PTPRT: variants seen among roughly 807,000 people sequenced by gnomAD.
The protein encoded by PTPRT is receptor-type tyrosine-protein phosphatase T.
Under a neutral mutation model 176.8 loss-of-function variants are expected in PTPRT, and 56 were observed. That is an observed-to-expected ratio of 0.32 (90% CI 0.26 to 0.40). The LOEUF is 0.40. PTPRT is among the 10% of genes least tolerant of loss of function. PTPRT has a pLI of 1.00. For synonymous variants in PTPRT, 783 were observed against 739.0 expected (o/e 1.06, Z -0.96); for missense variants, 1,540 against 1,908.2 (o/e 0.81, Z 3.60).
intron 7 of PTPRT, among the ~76,000 whole-genome samples, chr20:42,629,555 A>G (rs978128571): frequency 3.9e-5 from 6 of 152,178 alleles, no homozygotes; most frequent in African/African-American, 1.4e-4. Flanking sequence ...CTTGTTTTCT[A>G]ATGTTGCCTG....
chr20:42,161,104 G>C (rs1323343187), intron 17 of PTPRT, among the ~76,000 whole-genome samples: 2 of 152,148 alleles, frequency 1.3e-5, no homozygotes, highest in Admixed American at 6.5e-5. Flanking sequence ...GAGTGAAAAA[G>C]GATGTCTTAG....
At chr20:42,497,163 TAGC>T (rs1407187401) in intron 7 of PTPRT, among the ~76,000 whole-genome samples, 1 of 152,200 alleles carries the variant, frequency 6.6e-6, no homozygotes, top group Non-Finnish European at 1.5e-5. Context: ...GCTTAGGGCT[TAGC>T]AGCTTTACAG....
chr20:42,214,942 T>C (rs2055733416), intron 15 of PTPRT, among the ~76,000 whole-genome samples: 1 of 152,226 alleles, frequency 6.6e-6, no homozygotes, highest in Non-Finnish European at 1.5e-5. Flanking sequence ...TCCCTATAAC[T>C]CAGTTTTCTC....
chr20:42,221,510 A>G (rs1412840093), intron 15 of PTPRT, among the ~76,000 whole-genome samples: 4 of 150,340 alleles, frequency 2.7e-5, no homozygotes, highest in Non-Finnish European at 4.4e-5. Context: ...GGAGAGAGAC[A>G]GCATGCAAGG....
intron 1 of PTPRT, among the ~76,000 whole-genome samples, chr20:43,039,993 A>G (rs1230787250): frequency 1.3e-5 from 2 of 152,210 alleles, no homozygotes; most frequent in Middle Eastern, 3.4e-3. Flanking sequence ...ATGAGCCGAG[A>G]TAGTACCGTT....
At chr20:42,282,379 AT>A in intron 13 of PTPRT, 109 bp downstream of exon 13, 1 of 1,149,348 alleles carries the variant, frequency 8.7e-7, no homozygotes, top group African/African-American at 1.6e-5. Flanking sequence ...GAAAATAACA[AT>A]TCTTTCTTGT....
intron 7 of PTPRT, among the ~76,000 whole-genome samples, chr20:42,581,089 A>G (rs1220802798): frequency 6.6e-6 from 1 of 152,138 alleles, no homozygotes; most frequent in African/African-American, 2.4e-5. Flanking sequence ...CTGTTCTTTG[A>G]ACATTACAAG....
At chr20:43,018,210 A>G (rs1260443331) in intron 1 of PTPRT, among the ~76,000 whole-genome samples, 1 of 152,198 alleles carries the variant, frequency 6.6e-6, no homozygotes, top group Non-Finnish European at 1.5e-5. Context: ...TCTATTTAAG[A>G]ACAAACTTCT....
At chr20:42,198,698 G>A (rs1991328501) in intron 16 of PTPRT, among the ~76,000 whole-genome samples, 1 of 152,146 alleles carries the variant, frequency 6.6e-6, no homozygotes. Context: ...TGGAACACTG[G>A]CTGTGGTGGA....
chr20:42,474,926 A>G (rs1384408081), intron 7 of PTPRT, among the ~76,000 whole-genome samples: 1 of 152,074 alleles, frequency 6.6e-6, no homozygotes, highest in African/African-American at 2.4e-5. Context: ...CCCCAATACA[A>G]CAGTCACCCA....
chr20:42,640,726 T>C (rs952819478), intron 7 of PTPRT, among the ~76,000 whole-genome samples: 1 of 152,060 alleles, frequency 6.6e-6, no homozygotes, highest in Non-Finnish European at 1.5e-5. Flanking sequence ...AAAAAATGTC[T>C]AGAGATGTTT....
At chr20:42,357,968 A>T (rs2058380560) in intron 9 of PTPRT, among the ~76,000 whole-genome samples, 1 of 152,182 alleles carries the variant, frequency 6.6e-6, no homozygotes, top group Non-Finnish European at 1.5e-5. Flanking sequence ...GTCATAGAAA[A>T]GCAAAGAAAG....
chr20:42,272,291 A>G (rs2056949462), intron 13 of PTPRT, among the ~76,000 whole-genome samples: 1 of 152,218 alleles, frequency 6.6e-6, no homozygotes, highest in African/African-American at 2.4e-5. Context: ...AGCTACAATG[A>G]CAAACTTTAG....
rs1439987440 is a variant in PTPRT at position 42,618,459 on chromosome 20, G to A, written c.1153+59407C>T. 5.3e-4 allele frequency among the ~76,000 whole-genome samples: 71 copies of A among 135,148 alleles called. 6 individuals are homozygous for A. Among genetic ancestry groups the A allele is most frequent in the East Asian group, 6.0e-4 (3 of 5,038 alleles). The allele number at this position is 135,148 out of a possible 152,430, so 88.7% of individuals were successfully genotyped here. ...AGTTCTGTAGATGTCTATTAGGTCC[G>A]CTTGGTGCAGAGCTGAGTTCAATTC... On this transcript the variant is annotated intron_variant, in intron 7 of 30. Coordinates refer to ENST00000373187, the MANE Select transcript of PTPRT (RefSeq NM_007050.6).
chr20:42,886,049 C>CTA, intron 1 of PTPRT, 117 bp from the exon 2 acceptor site: 1 of 431,228 alleles, frequency 2.3e-6, no homozygotes. Context: ...AGAAGATTTT[C>CTA]CATATATATA....
At chr20:42,179,255 T>C (rs1990418084) in intron 16 of PTPRT, among the ~76,000 whole-genome samples, 1 of 152,248 alleles carries the variant, frequency 6.6e-6, no homozygotes, top group Non-Finnish European at 1.5e-5. Flanking sequence ...CTGACTTTGC[T>C]TAGCTTTGCC....
At chr20:42,709,924 G>T (rs1046322052) in intron 6 of PTPRT, among the ~76,000 whole-genome samples, 34 of 152,228 alleles carry the variant, frequency 2.2e-4, no homozygotes, top group African/African-American at 7.5e-4. Context: ...CAAAAAACTT[G>T]GCTGCATTAT....
intron 2 of PTPRT, among the ~76,000 whole-genome samples, chr20:42,883,956 C>A (rs2079064019): frequency 6.6e-6 from 1 of 151,822 alleles, no homozygotes; most frequent in Admixed American, 6.6e-5. Context: ...CACCCATACA[C>A]CCCCATACAC....
At chr20:42,770,914 A>G (rs1210354972) in intron 5 of PTPRT, among the ~76,000 whole-genome samples, 2 of 152,236 alleles carry the variant, frequency 1.3e-5, no homozygotes, top group African/African-American at 4.8e-5. Flanking sequence ...GACTAGCAGA[A>G]TCGTAGTTAA....
Sources: allele counts gnomAD v4.1 joint callset (sites outside exome capture counted in the v4.1 genomes callset), GRCh38; gene constraint gnomAD v4.1.1; transcripts MANE v1.5; gene names NCBI Gene and HGNC (gene_info 2026-07-23, HGNC 2026-07-21).